Variants in LCORL observed in about 807,000 individuals in gnomAD.
LCORL encodes ligand dependent nuclear receptor corepressor like.
In LCORL, 41 loss-of-function variants were observed where a neutral mutation model predicts 141.8. The ratio of observed to expected loss-of-function variants is 0.29; its 90% confidence interval spans 0.23 to 0.38. The LOEUF (loss-of-function observed/expected upper bound fraction) is 0.38. Among genes scored for constraint, LCORL ranks in the 10% least tolerant of loss-of-function variants. The pLI, the probability that LCORL is intolerant of heterozygous loss-of-function variation, is 1.00. For synonymous variants in LCORL, 618 were observed against 694.1 expected (o/e 0.89, Z 1.72); for missense variants, 1,759 against 2,035.0 (o/e 0.86, Z 2.61).
chr4:17,929,596 A>G (rs941249165), intron 4 of LCORL, among the ~76,000 whole-genome samples: 1 of 152,176 alleles, frequency 6.6e-6, no homozygotes, highest in African/African-American at 2.4e-5. Context: ...TCTACCCCAC[A>G]CTATATACAA....
At chr4:17,875,579 T>C in exon 7 of LCORL, 1 of 1,231,324 alleles carries the variant, frequency 8.1e-7, no homozygotes. Flanking sequence ...TAATACTCTT[T>C]TTATAAATAC....
intron 4 of LCORL, among the ~76,000 whole-genome samples, chr4:17,938,703 G>A (rs761481643): frequency 2.1e-4 from 32 of 151,984 alleles, no homozygotes; most frequent in Admixed American, 1.0e-3. Flanking sequence ...GTGAGCCACC[G>A]CGCCCGGCCC....
intron 1 of LCORL, among the ~76,000 whole-genome samples, chr4:17,981,699 C>T (rs769062693): frequency 1.5e-4 from 23 of 152,030 alleles, no homozygotes; most frequent in South Asian, 2.1e-4. Context: ...GCCATGATCA[C>T]GCTCCTGCAC....
chr4:17,909,056 C>T (rs761551941), intron 5 of LCORL, 38 bp downstream of exon 5: 2 of 1,509,248 alleles, frequency 1.3e-6, no homozygotes, highest in Non-Finnish European at 1.8e-6. Flanking sequence ...CGATATAAAA[C>T]ATCAAATTAT....
rs374034812 is a variant in LCORL, at chr4:17,939,192, T to C, written c.430+22711A>G. On this transcript the variant is annotated intron_variant, in intron 4 of 7. Coordinates refer to ENST00000635767, the Ensembl canonical transcript of LCORL. ...AACGTGAAAATGTGCACAACATCAT[T>C]AGTCATCAAAGATATGCAATTTAAA... is the stretch of plus-strand genomic sequence containing the variant. Among the ~76,000 whole-genome samples the C allele has an allele frequency of 2.2e-4, 33 of 152,276 alleles. 1 individual carries two copies. In the South Asian group the frequency reaches 3.3e-3, roughly 15 times the overall value.
chr4:17,897,090 G>T (rs1730051782), intron 5 of LCORL, among the ~76,000 whole-genome samples: 1 of 151,742 alleles, frequency 6.6e-6, no homozygotes, highest in South Asian at 2.1e-4. Context: ...TTGTGTATGT[G>T]TACCACATTT....
chr4:17,926,426 C>T (rs1015611535), intron 4 of LCORL, among the ~76,000 whole-genome samples: 19 of 152,224 alleles, frequency 1.2e-4, no homozygotes, highest in African/African-American at 3.9e-4. Flanking sequence ...GTGCTGGAAG[C>T]TTCCTGCCCT....
chr4:17,856,977 G>C (rs529523624), intron 7 of LCORL, among the ~76,000 whole-genome samples: 8 of 152,258 alleles, frequency 5.3e-5, no homozygotes, highest in Middle Eastern at 3.4e-3. Context: ...TGAGAATAGA[G>C]ATCCTCGTTG....
At chr4:17,916,300 A>G (rs1355621758) in intron 4 of LCORL, among the ~76,000 whole-genome samples, 1 of 152,194 alleles carries the variant, frequency 6.6e-6, no homozygotes, top group African/African-American at 2.4e-5. Flanking sequence ...TTCCTTGGCA[A>G]TAACTGTTGT....
intron 1 of LCORL, among the ~76,000 whole-genome samples, chr4:17,988,626 C>A (rs919267602): frequency 3.6e-5 from 5 of 140,466 alleles, no homozygotes; most frequent in African/African-American, 1.5e-4. Flanking sequence ...AAAGGTCTAG[C>A]ACATTGTTTA....
chr4:17,854,868 A>G (rs575034793), intron 7 of LCORL, among the ~76,000 whole-genome samples: 231 of 152,304 alleles, frequency 1.5e-3, no homozygotes, highest in African/African-American at 5.3e-3. Context: ...GAAGACCAAC[A>G]GTCTTGGGTT....
exon 8 of LCORL, chr4:17,842,696 C>A (rs762004336): frequency 1.3e-4 from 34 of 262,956 alleles, no homozygotes; most frequent in Non-Finnish European, 1.9e-4. Flanking sequence ...TATTTGGGTT[C>A]TCTACACTTA....
intron 4 of LCORL, among the ~76,000 whole-genome samples, chr4:17,920,318 G>A (rs1447715605): frequency 6.6e-6 from 1 of 152,092 alleles, no homozygotes; most frequent in East Asian, 1.9e-4. Flanking sequence ...TGGAAATAGA[G>A]GAAAAAACGC....
exon 7 of LCORL, chr4:17,873,526 G>A (rs80227771): frequency 0.025 from 30,973 of 1,233,734 alleles, 445 homozygotes; most frequent in South Asian, 0.03. Context: ...AAACTATCAG[G>A]ATTCTTGTCA....
At chr4:17,925,456 C>T (rs1251768881) in intron 4 of LCORL, among the ~76,000 whole-genome samples, 1 of 152,128 alleles carries the variant, frequency 6.6e-6, no homozygotes, top group African/African-American at 2.4e-5. Flanking sequence ...ACTGAGGTGC[C>T]TGCTGAAGGG....
intron 5 of LCORL, among the ~76,000 whole-genome samples, chr4:17,902,745 A>G (rs1381124443): frequency 6.6e-6 from 1 of 152,118 alleles, no homozygotes; most frequent in Non-Finnish European, 1.5e-5. Context: ...TATTCAATAT[A>G]GTCTCTCAAA....
chr4:17,918,814 C>T (rs746766124), intron 4 of LCORL, among the ~76,000 whole-genome samples: 1 of 151,738 alleles, frequency 6.6e-6, no homozygotes, highest in Non-Finnish European at 1.5e-5. Flanking sequence ...ATGGCAATGC[C>T]CCCAATTTGA....
chr4:17,931,630 G>C (rs183773125), intron 4 of LCORL, among the ~76,000 whole-genome samples: 63 of 151,928 alleles, frequency 4.1e-4, no homozygotes, highest in Non-Finnish European at 6.3e-4. Flanking sequence ...AAAATGTTTT[G>C]TTATTGATGT....
chr4:17,968,614 C>T (rs1189186572), intron 2 of LCORL, among the ~76,000 whole-genome samples: 1 of 152,122 alleles, frequency 6.6e-6, no homozygotes, highest in Non-Finnish European at 1.5e-5. Flanking sequence ...AAACCTTTTC[C>T]ATAAACAGCC....
Sources: gnomAD v4.1 joint callset for allele counts (sites outside exome capture counted in the v4.1 genomes callset) on GRCh38, gnomAD v4.1.1 for gene constraint, MANE v1.5 for transcripts, NCBI Gene and HGNC (gene_info 2026-07-23, HGNC 2026-07-21) for gene names.